Variants in ZFHX4 observed in about 807,000 individuals in gnomAD.
The protein encoded by ZFHX4 is zinc finger homeobox protein 4.
A neutral mutation model predicts 267.6 loss-of-function variants in ZFHX4; 56 were observed. The ratio of observed to expected loss-of-function variants is 0.21; its 90% confidence interval spans 0.17 to 0.26. The LOEUF (loss-of-function observed/expected upper bound fraction) is 0.26. ZFHX4 is among the 10% of genes least tolerant of loss of function. ZFHX4 has a pLI of 1.00. For synonymous variants in ZFHX4, 1,778 were observed against 1,665.6 expected, an observed-to-expected ratio of 1.07 and a Z score of -1.64; for missense variants, 4,332 against 4,420.0, an observed-to-expected ratio of 0.98 and a Z score of 0.56.
intron 3 of ZFHX4, among the ~76,000 whole-genome samples, chr8:76,759,367 T>G (rs765702612): frequency 1.2e-4 from 19 of 152,248 alleles, no homozygotes; most frequent in Non-Finnish European, 1.2e-4. Context: ...GGTAGTTTAT[T>G]AAGTGTAATT....
intron 4 of ZFHX4, among the ~76,000 whole-genome samples, chr8:76,832,690 G>T (rs1811967010): frequency 6.6e-6 from 1 of 152,128 alleles, no homozygotes; most frequent in Non-Finnish European, 1.5e-5. Context: ...TAGTTGTTTT[G>T]TTTATTCCAT....
intron 3 of ZFHX4, among the ~76,000 whole-genome samples, chr8:76,750,423 A>G (rs1456815998): frequency 6.6e-6 from 1 of 152,146 alleles, no homozygotes; most frequent in Non-Finnish European, 1.5e-5. Context: ...TGGAGTAAGA[A>G]GTAAATGTAG....
At chr8:76,742,975 T>C (rs1809360609) in intron 3 of ZFHX4, among the ~76,000 whole-genome samples, 1 of 149,052 alleles carries the variant, frequency 6.7e-6, no homozygotes, top group South Asian at 2.1e-4. Context: ...AACACACACA[T>C]CCCTTTTATA....
chr8:76,711,701 A>T (rs1006084376), intron 3 of ZFHX4, among the ~76,000 whole-genome samples: 2 of 152,188 alleles, frequency 1.3e-5, no homozygotes, highest in African/African-American at 4.8e-5. Flanking sequence ...TCAAAAATGC[A>T]CTGTAATTTT....
At chr8:76,689,786 T>G (rs1480975365) in intron 1 of ZFHX4, among the ~76,000 whole-genome samples, 1 of 152,142 alleles carries the variant, frequency 6.6e-6, no homozygotes, top group Non-Finnish European at 1.5e-5. Context: ...GAATCAAATA[T>G]TTGCCACTTT....
Position 76,705,101 on chromosome 8 carries a change from C to A in ZFHX4, c.1013C>A (p.Pro338Gln). ...GAACCTCTTATAAGCTTTCTGGAAC[C>A]AAAAAAATCCACTTCTGTTTATCCC... is the stretch of plus-strand genomic sequence containing the variant. ...DKEPLISFLEPKKSTSVYPHF... is the reference protein window; with the variant it reads ...DKEPLISFLEQKKSTSVYPHF... Residue 338 changes from proline (P) to glutamine (Q), a missense_variant, in exon 2 of 11, where the codon CCA becomes CAA. This residue lies in a region of ZFHX4 where 1,195 missense variants were observed against 1,173.6 expected (regional missense o/e 1.02). Transcript: ENST00000651372. 6.2e-7 allele frequency: 1 copy of A among 1,613,148 alleles called. No individual in the cohort carries two copies. Among genetic ancestry groups the A allele is most frequent in the Non-Finnish European group, 8.5e-7 (1 of 1,179,666 alleles).
intron 5 of ZFHX4, among the ~76,000 whole-genome samples, chr8:76,840,779 G>A (rs1451658657): frequency 2.0e-5 from 3 of 152,094 alleles, no homozygotes; most frequent in East Asian, 1.9e-4. Flanking sequence ...CATAGGTCGC[G>A]AACTAGAGAT....
At position 76,854,710 on chromosome 8, in the gene ZFHX4, A is replaced by C. The variant is rs1463476338; in HGVS notation, c.7789A>C (p.Asn2597His). 1 of 1,613,518 alleles carries C rather than the reference A, an allele frequency of 6.2e-7. No individual in the cohort carries two copies. The highest frequency in any genetic ancestry group is 8.5e-7 in the Non-Finnish European group (1 of 1,179,770). The change falls in exon 10 of 11, where the codon AAT (asparagine) becomes CAT (histidine). Residue 2597 changes from asparagine to histidine, a missense_variant. Physicochemically the swap from Asn to His is moderately conservative, Grantham distance 68. Transcript: ENST00000651372. ...DNNCSEKEGG[N>H]SGEDQHRDKR... Reference sequence around the variant, plus strand: ...TAATTGCAGTGAAAAAGAAGGAGGGAATAGCGGTGAAGACCAACACCGAGA... The same window carrying C: ...TAATTGCAGTGAAAAAGAAGGAGGGCATAGCGGTGAAGACCAACACCGAGA...
intron 3 of ZFHX4, among the ~76,000 whole-genome samples, chr8:76,714,381 C>T (rs1178827590): frequency 6.6e-6 from 1 of 152,180 alleles, no homozygotes; most frequent in Non-Finnish European, 1.5e-5. Context: ...GTTCTGCTTC[C>T]AGAACATCTG....
At chr8:76,856,795 G>A (rs1326243181) in intron 10 of ZFHX4, among the ~76,000 whole-genome samples, 2 of 152,134 alleles carry the variant, frequency 1.3e-5, no homozygotes, top group Non-Finnish European at 2.9e-5. Context: ...GAGTCCTTCA[G>A]CCACAGGTAT....
At chr8:76,743,731 T>C (rs1454361958) in intron 3 of ZFHX4, among the ~76,000 whole-genome samples, 2 of 152,228 alleles carry the variant, frequency 1.3e-5, no homozygotes, top group African/African-American at 4.8e-5. Flanking sequence ...ATTGTCAACA[T>C]AGCTGTATGC....
chr8:76,844,953 A>C (rs1254106256), intron 6 of ZFHX4, among the ~76,000 whole-genome samples: 1 of 152,150 alleles, frequency 6.6e-6, no homozygotes, highest in Non-Finnish European at 1.5e-5. Flanking sequence ...TAATGATTGA[A>C]TAACCACTTA....
At chr8:76,824,066 G>T (rs1385395129) in intron 4 of ZFHX4, among the ~76,000 whole-genome samples, 1 of 152,184 alleles carries the variant, frequency 6.6e-6, no homozygotes, top group African/African-American at 2.4e-5. Flanking sequence ...CGATTTTACA[G>T]ATGAGGACAC....
chr8:76,713,290 T>G (rs201491032), intron 3 of ZFHX4, among the ~76,000 whole-genome samples: 1 of 136,508 alleles, frequency 7.3e-6, no homozygotes, highest in South Asian at 2.3e-4. Flanking sequence ...GAAAGATAGA[T>G]AGATAGATAG....
intron 2 of ZFHX4, 105 bp downstream of exon 2, chr8:76,706,783 CT>C: frequency 2.4e-6 from 3 of 1,259,992 alleles, no homozygotes; most frequent in Non-Finnish European, 3.2e-6. Context: ...TTGAGGACAG[CT>C]TACTAGAAAG....
At chr8:76,782,568 C>T (rs960480519) in intron 4 of ZFHX4, among the ~76,000 whole-genome samples, 2 of 151,946 alleles carry the variant, frequency 1.3e-5, no homozygotes, top group African/African-American at 2.4e-5. Context: ...CCTTCTTAAA[C>T]CTTTCTGCCT....
rs1272152513 is a variant in ZFHX4, at chr8:76,714,374, C to A, written c.3093+6326C>A. 3.3e-5 allele frequency among the ~76,000 whole-genome samples: 5 copies of A among 152,310 alleles called. No individual in the cohort carries two copies. The East Asian group carries it at 5.8e-4, about 18-fold the overall frequency. ...TGGCATGTGTATAATGACCGTGGTT[C>A]TGCTTCCAGAACATCTGGACTTCCT... is the stretch of plus-strand genomic sequence containing the variant. On this transcript the variant is annotated intron_variant, in intron 3 of 10. Transcript: ENST00000651372.
At chr8:76,835,241 G>GTATATATATGTATATATATA (rs1563549090) in intron 5 of ZFHX4, among the ~76,000 whole-genome samples, 1 of 42,648 alleles carries the variant, frequency 2.3e-5, no homozygotes, top group African/African-American at 1.3e-4. Context: ...ATATATATAT[G>GTATATATATGTATATATATA]TATATATATA....
chr8:76,706,156 G>A lies in ZFHX4; in HGVS notation c.2068G>A (p.Glu690Lys), dbSNP rs1219202481. Residue 690 changes from glutamate (E) to lysine (K), a missense_variant, in exon 2 of 11, where the codon GAG becomes AAG. Transcript: ENST00000651372. ...GQPHPRLARG[E>K]SYTCGYKPFR... Reference sequence around the variant, plus strand: ...GCCTCACCCCAGGCTTGCCCGGGGTGAGAGTTACACGTGTGGCTATAAACC... The same window carrying A: ...GCCTCACCCCAGGCTTGCCCGGGGTAAGAGTTACACGTGTGGCTATAAACC... The A allele has an allele frequency of 1.2e-6, 2 of 1,613,938 alleles. No individual in the cohort carries two copies. The highest frequency in any genetic ancestry group is 1.7e-6 in the Non-Finnish European group (2 of 1,180,004).
Sources: allele counts gnomAD v4.1 joint callset (sites outside exome capture counted in the v4.1 genomes callset), GRCh38; gene constraint gnomAD v4.1.1; regional missense constraint gnomAD v4.1.1; transcripts MANE v1.5; gene names NCBI Gene and HGNC (gene_info 2026-07-23, HGNC 2026-07-21).